NT5DC1: variants seen among roughly 807,000 people sequenced by gnomAD.
NT5DC1 encodes the protein 5'-nucleotidase domain-containing protein 1.
A neutral mutation model predicts 59.4 loss-of-function variants in NT5DC1; 42 were observed. The ratio of observed to expected loss-of-function variants is 0.71; its 90% CI spans 0.55 to 0.92. The LOEUF is 0.92. Among genes scored for constraint, NT5DC1 ranks in the 40% least tolerant of loss-of-function variants. The probability of loss-of-function intolerance (pLI) is 0.00; values close to 1 mark genes in which losing one functional copy is unlikely to be tolerated. For synonymous variants in NT5DC1, 172 were observed against 188.1 expected (o/e 0.91, Z 0.70); for missense variants, 501 against 537.1 (o/e 0.93, Z 0.66).
At chr6:116,213,905 T>C (rs1261709060) in intron 6 of NT5DC1, among the ~76,000 whole-genome samples, 1 of 151,748 alleles carries the variant, frequency 6.6e-6, no homozygotes, top group Non-Finnish European at 1.5e-5. Flanking sequence ...TTACCCACAC[T>C]ACTTTTTTTT....
chr6:116,148,671 C>T (rs568459558), intron 6 of NT5DC1, among the ~76,000 whole-genome samples: 14 of 152,114 alleles, frequency 9.2e-5, no homozygotes, highest in South Asian at 4.2e-4. Flanking sequence ...TATATAACAA[C>T]GTCATTAATA....
At chr6:116,128,909 A>G (rs1360405638) in intron 6 of NT5DC1, among the ~76,000 whole-genome samples, 2 of 152,128 alleles carry the variant, frequency 1.3e-5, no homozygotes, top group Non-Finnish European at 2.9e-5. Flanking sequence ...TTGTGTTCAT[A>G]TGCTTTTTAA....
At chr6:116,133,488 A>G (rs1779517410) in intron 6 of NT5DC1, among the ~76,000 whole-genome samples, 1 of 152,226 alleles carries the variant, frequency 6.6e-6, no homozygotes, top group African/African-American at 2.4e-5. Context: ...TGTAGGGTAC[A>G]CGAGTACCTG....
intron 1 of NT5DC1, among the ~76,000 whole-genome samples, chr6:116,105,923 T>C (rs1778757851): frequency 6.6e-6 from 1 of 152,236 alleles, no homozygotes; most frequent in African/African-American, 2.4e-5. Context: ...CTTAGTGATG[T>C]ATTAAATAAG....
intron 5 of NT5DC1, among the ~76,000 whole-genome samples, chr6:116,117,611 AAT>A (rs1399517453): frequency 6.6e-6 from 1 of 152,240 alleles, no homozygotes; most frequent in African/African-American, 2.4e-5. Context: ...CCTATTTTAT[AAT>A]AAAGTATTGA....
intron 6 of NT5DC1, among the ~76,000 whole-genome samples, chr6:116,162,871 T>C (rs1259905968): frequency 6.6e-6 from 1 of 152,054 alleles, no homozygotes; most frequent in East Asian, 1.9e-4. Flanking sequence ...AGAGCGCCTG[T>C]AATCCCAGCA....
intron 6 of NT5DC1, among the ~76,000 whole-genome samples, chr6:116,133,823 C>G (rs562481815): frequency 8.5e-5 from 13 of 152,204 alleles, no homozygotes; most frequent in Admixed American, 6.5e-4. Flanking sequence ...TCCTCTTTGC[C>G]TGCTTTCTTT....
At chr6:116,118,167 C>G (rs1033872063) in intron 6 of NT5DC1, 7 of 537,134 alleles carry the variant, frequency 1.3e-5, no homozygotes, top group Non-Finnish European at 2.0e-5. Flanking sequence ...CTGTTACACT[C>G]TCCTTTACCA....
chr6:116,134,185 T>G (rs1779534206), intron 6 of NT5DC1, among the ~76,000 whole-genome samples: 1 of 152,202 alleles, frequency 6.6e-6, no homozygotes, highest in South Asian at 2.1e-4. Flanking sequence ...GAGGTAAATA[T>G]CTCTGATATT....
intron 6 of NT5DC1, among the ~76,000 whole-genome samples, chr6:116,142,983 A>G (rs1779802452): frequency 6.6e-6 from 1 of 152,228 alleles, no homozygotes; most frequent in Admixed American, 6.5e-5. Context: ...TTTGATGGAT[A>G]AAATTATAGA....
chr6:116,107,987 T>C (rs1778799590), intron 2 of NT5DC1, among the ~76,000 whole-genome samples: 1 of 150,746 alleles, frequency 6.6e-6, no homozygotes. Flanking sequence ...TTGTAGAATA[T>C]AAATGTGTGT....
At chr6:116,166,420 A>G (rs987109842) in intron 6 of NT5DC1, among the ~76,000 whole-genome samples, 2 of 152,194 alleles carry the variant, frequency 1.3e-5, no homozygotes, top group African/African-American at 2.4e-5. Context: ...GGATCAACCA[A>G]TCTTCAACAA....
Position 116,115,644 on chromosome 6 carries a change from C to A in NT5DC1, c.365-47C>A, listed in dbSNP as rs375486770. On this transcript the variant is annotated intron_variant, in intron 4 of 11. Coordinates refer to ENST00000319550, the MANE Select transcript of NT5DC1 (RefSeq NM_152729.3). ...GCCATATTCCTGTGTATTTCACATG[C>A]ATGCAGCATTATGTTGTTCCCAGTT... is the stretch of plus-strand genomic sequence containing the variant. 2.2e-4 allele frequency: 191 copies of A among 885,666 alleles called. 1 individual carries two copies. Among genetic ancestry groups the A allele is most frequent in the Middle Eastern group, 2.2e-4 (1 of 4,616 alleles). The allele number at this position is 885,666 out of a possible 1,614,324, so 54.9% of individuals were successfully genotyped here.
chr6:116,140,010 G>A (rs1051269539), intron 6 of NT5DC1, among the ~76,000 whole-genome samples: 6 of 152,132 alleles, frequency 3.9e-5, no homozygotes, highest in African/African-American at 7.2e-5. Context: ...AGAGACTTAC[G>A]TGATAGATAT....
chr6:116,150,335 G>T (rs1780008376), intron 6 of NT5DC1, among the ~76,000 whole-genome samples: 1 of 151,926 alleles, frequency 6.6e-6, no homozygotes, highest in South Asian at 2.1e-4. Flanking sequence ...ACCCAGGAAG[G>T]AATGCAGTGG....
At chr6:116,146,043 C>T (rs1391568779) in intron 6 of NT5DC1, among the ~76,000 whole-genome samples, 1 of 152,166 alleles carries the variant, frequency 6.6e-6, no homozygotes, top group Non-Finnish European at 1.5e-5. Flanking sequence ...CCTCGTTTTC[C>T]TATCACAGTT....
intron 6 of NT5DC1, among the ~76,000 whole-genome samples, chr6:116,185,212 A>G (rs117997125): frequency 0.039 from 5,894 of 152,120 alleles, 156 homozygotes; most frequent in South Asian, 0.072. Context: ...TTTATCCACT[A>G]TGGTCTAAGA....
At chr6:116,180,370 T>A (rs1229068427) in intron 6 of NT5DC1, among the ~76,000 whole-genome samples, 2 of 152,054 alleles carry the variant, frequency 1.3e-5, no homozygotes, top group African/African-American at 4.8e-5. Context: ...TATAGAAGAA[T>A]TCCAGCTTTT....
At chr6:116,116,190 T>C (rs1164169605) in intron 5 of NT5DC1, among the ~76,000 whole-genome samples, 1 of 152,236 alleles carries the variant, frequency 6.6e-6, no homozygotes, top group Non-Finnish European at 1.5e-5. Context: ...TTCACCATTT[T>C]GAACATCATT....
Sources: gnomAD v4.1 joint callset for allele counts (sites outside exome capture counted in the v4.1 genomes callset) on GRCh38, gnomAD v4.1.1 for gene constraint, MANE v1.5 for transcripts, NCBI Gene and HGNC (gene_info 2026-07-23, HGNC 2026-07-21) for gene names.